The following CHRM3 variants were observed in gnomAD, a reference collection of about 807,000 sequenced individuals.
The protein encoded by CHRM3 is cholinergic receptor muscarinic 3.
In CHRM3, 11 loss-of-function variants were observed where a neutral mutation model predicts 41.8. The ratio of observed to expected loss-of-function variants is 0.26; its 90% confidence interval spans 0.17 to 0.44. The LOEUF is 0.44. Among genes scored for constraint, CHRM3 ranks in the 20% least tolerant of loss-of-function variants. The pLI is 1.00. For missense variants in CHRM3, 571 were observed against 745.4 expected, an observed-to-expected ratio of 0.77 and a Z score of 2.72; for synonymous variants, 297 against 301.4, an observed-to-expected ratio of 0.99 and a Z score of 0.15.
At chr1:239,529,662 A>G (rs1558293018) in intron 2 of CHRM3, among the ~76,000 whole-genome samples, 5 of 151,052 alleles carry the variant, frequency 3.3e-5, no homozygotes, top group Admixed American at 6.6e-5. Flanking sequence ...CAACAACAAA[A>G]GCCTTGTTAA....
At chr1:239,551,285 C>T (rs1386767247) in intron 3 of CHRM3, among the ~76,000 whole-genome samples, 1 of 151,002 alleles carries the variant, frequency 6.6e-6, no homozygotes, top group Non-Finnish European at 1.5e-5. Context: ...GCCTCAGCCT[C>T]CCAAGTAGCT....
intron 5 of CHRM3, among the ~76,000 whole-genome samples, chr1:239,749,525 A>C (rs901927873): frequency 6.6e-6 from 1 of 152,088 alleles, no homozygotes. Context: ...AAAATTAGCT[A>C]GGTGTGGTAG....
chr1:239,480,176 A>G (rs1666740096), intron 1 of CHRM3, among the ~76,000 whole-genome samples: 1 of 152,244 alleles, frequency 6.6e-6, no homozygotes, highest in East Asian at 1.9e-4. Context: ...TAATTTGTCA[A>G]CAGCCAACTT....
At chr1:239,675,496 GC>G (rs1260713392) in intron 4 of CHRM3, among the ~76,000 whole-genome samples, 2 of 152,292 alleles carry the variant, frequency 1.3e-5, no homozygotes, top group East Asian at 3.9e-4. Flanking sequence ...GAATGGTACT[GC>G]CATTTGGATT....
intron 3 of CHRM3, among the ~76,000 whole-genome samples, chr1:239,571,437 C>T (rs2148537221): frequency 6.6e-6 from 1 of 152,306 alleles, no homozygotes; most frequent in Non-Finnish European, 1.5e-5. Flanking sequence ...AGGTGCACAG[C>T]TGTGAAATTG....
intron 2 of CHRM3, among the ~76,000 whole-genome samples, chr1:239,493,863 T>G (rs2148079444): frequency 6.6e-6 from 1 of 152,264 alleles, no homozygotes; most frequent in African/African-American, 2.4e-5. Context: ...GTCTCAAAAT[T>G]GGGGCTTAGC....
intron 5 of CHRM3, among the ~76,000 whole-genome samples, chr1:239,752,498 T>G (rs1265150989): frequency 1.3e-5 from 2 of 152,224 alleles, no homozygotes; most frequent in Non-Finnish European, 2.9e-5. Context: ...ATAAATAGCT[T>G]GCAATATGGT....
intron 6 of CHRM3, among the ~76,000 whole-genome samples, chr1:239,838,733 T>G (rs1393482406): frequency 6.6e-6 from 1 of 152,150 alleles, no homozygotes; most frequent in Admixed American, 6.5e-5. Flanking sequence ...CCTCCGCACA[T>G]AGTTCTCATT....
In CHRM3 at chr1:239,783,798, A is replaced by T. The variant is rs73127356; in HGVS notation, c.-146-43454A>T. Among the ~76,000 whole-genome samples, 4 of 152,202 alleles carry T rather than the reference A, an allele frequency of 2.6e-5. No individual in the cohort carries two copies. In the South Asian group the frequency reaches 8.3e-4, roughly 32 times the overall value. Reference sequence around the variant, plus strand: ...GATGCTGAGGTTTGGGGTACAAATAATCCTGTCACCAGAGTGTGAGGACGG... The same window carrying T: ...GATGCTGAGGTTTGGGGTACAAATATTCCTGTCACCAGAGTGTGAGGACGG... On this transcript the variant is annotated intron_variant, in intron 5 of 6. Coordinates refer to ENST00000676153, the MANE Select transcript of CHRM3 (RefSeq NM_001375978.1).
chr1:239,587,073 G>C (rs1663490047), intron 3 of CHRM3, among the ~76,000 whole-genome samples: 1 of 152,146 alleles, frequency 6.6e-6, no homozygotes, highest in South Asian at 2.1e-4. Context: ...CCCTGAGCCG[G>C]GAAAGAGTTG....
At chr1:239,855,593 A>T (rs1291934545) in intron 6 of CHRM3, among the ~76,000 whole-genome samples, 3 of 152,074 alleles carry the variant, frequency 2.0e-5, no homozygotes, top group Non-Finnish European at 4.4e-5. Flanking sequence ...ACACACACAC[A>T]TACCCAGAAT....
At chr1:239,486,167 A>G (rs1667170090) in intron 1 of CHRM3, among the ~76,000 whole-genome samples, 1 of 152,200 alleles carries the variant, frequency 6.6e-6, no homozygotes, top group Non-Finnish European at 1.5e-5. Flanking sequence ...AAATGCTTGA[A>G]TATCAGATTT....
chr1:239,707,808 C>T (rs1213905756), intron 5 of CHRM3: 2 of 152,138 alleles, frequency 1.3e-5, no homozygotes, highest in African/African-American at 4.8e-5. Context: ...CCTACTTTAT[C>T]CCTGACTCTG....
At chr1:239,622,427 C>T (rs1005381413) in intron 3 of CHRM3, among the ~76,000 whole-genome samples, 1 of 152,152 alleles carries the variant, frequency 6.6e-6, no homozygotes, top group African/African-American at 2.4e-5. Flanking sequence ...AAAGGATTCA[C>T]CATTCTAGAT....
intron 5 of CHRM3, among the ~76,000 whole-genome samples, chr1:239,783,140 A>G (rs946041933): frequency 1.3e-5 from 2 of 152,012 alleles, no homozygotes; most frequent in Admixed American, 1.3e-4. Context: ...GAGCTCAACT[A>G]TGTCCTTTCT....
At chr1:239,406,300 A>G (rs1312112724) in intron 1 of CHRM3, among the ~76,000 whole-genome samples, 1 of 152,208 alleles carries the variant, frequency 6.6e-6, no homozygotes, top group Non-Finnish European at 1.5e-5. Context: ...GCAAAATGAG[A>G]TAGAGATGAA....
intron 1 of CHRM3, among the ~76,000 whole-genome samples, chr1:239,483,076 A>T (rs1306553749): frequency 2.0e-5 from 3 of 152,198 alleles, no homozygotes; most frequent in African/African-American, 7.2e-5. Flanking sequence ...GTTCATCACC[A>T]TCTGAAATAA....
intron 3 of CHRM3, among the ~76,000 whole-genome samples, chr1:239,575,628 A>G (rs1662258283): frequency 6.6e-6 from 1 of 151,940 alleles, no homozygotes; most frequent in Admixed American, 6.6e-5. Context: ...GCCAGAGTAG[A>G]CCTTGAAGGG....
At chr1:239,698,015 A>G (rs563463408) in intron 5 of CHRM3, among the ~76,000 whole-genome samples, 1 of 152,346 alleles carries the variant, frequency 6.6e-6, no homozygotes, top group East Asian at 1.9e-4. Flanking sequence ...TGGAAAGGTG[A>G]CTAAATTTCA....
Sources: allele counts gnomAD v4.1 joint callset (sites outside exome capture counted in the v4.1 genomes callset), GRCh38; gene constraint gnomAD v4.1.1; transcripts MANE v1.5; gene names NCBI Gene and HGNC (gene_info 2026-07-23, HGNC 2026-07-21).